Variants in SSBP3 observed in about 807,000 individuals in gnomAD.
SSBP3 encodes the protein single stranded DNA binding protein 3, also known as single-stranded DNA-binding protein 3.
In SSBP3, 5 loss-of-function variants were observed where a neutral mutation model predicts 69.6. That is an observed-to-expected ratio of 0.07 (90% CI 0.04 to 0.15). SSBP3 has a LOEUF of 0.15. Among genes scored for constraint, SSBP3 ranks in the 10% least tolerant of loss-of-function variants. SSBP3 has a pLI of 1.00. For synonymous variants in SSBP3, 196 were observed against 193.4 expected (o/e 1.01, Z -0.11); for missense variants, 312 against 534.0 (o/e 0.58, Z 4.10).
Position 54,251,872 on chromosome 1 carries a change from G to GC in SSBP3, c.508-13dup. The GC allele has an allele frequency of 6.2e-7, 1 of 1,610,488 alleles. No individual in the cohort carries two copies. Among genetic ancestry groups the GC allele is most frequent in the Non-Finnish European group, 8.5e-7 (1 of 1,179,026 alleles). ...ACTCCTCCCGGAGGCTGAAAGAGATGCAAGACACAAGCTGAGGAGCTGCTC... is the reference window on the plus strand; with the variant it reads ...ACTCCTCCCGGAGGCTGAAAGAGATGCCAAGACACAAGCTGAGGAGCTGCTC... On this transcript the variant is annotated splice_polypyrimidine_tract_variant and intron_variant, in intron 7 of 17. Transcript: ENST00000610401.
intron 4 of SSBP3, among the ~76,000 whole-genome samples, chr1:54,341,755 AG>A (rs1482166352): frequency 6.6e-6 from 1 of 151,764 alleles, no homozygotes; most frequent in African/African-American, 2.4e-5. Context: ...GGTACATGAC[AG>A]GAGGCCTGAC....
chr1:54,243,211 C>T (rs373014824), intron 10 of SSBP3, 24 bp downstream of exon 10: 100 of 1,612,206 alleles, frequency 6.2e-5, no homozygotes, highest in African/African-American at 2.3e-4. Flanking sequence ...CTCTGAGCCA[C>T]GGGCCGGGTC....
chr1:54,240,091 CGCGCGCGCGTGT>C (rs1557448819), intron 13 of SSBP3, among the ~76,000 whole-genome samples: 6 of 33,836 alleles, frequency 1.8e-4, no homozygotes, highest in African/African-American at 9.4e-4. Context: ...TGTGTGTGCG[CGCGCGCGCGTGT>C]GCGTGCGCGC....
At position 54,240,104 on chromosome 1, in the gene SSBP3, GCGTGCGCGCGCGCGCGCAA is replaced by G. The variant is rs1474112878; in HGVS notation, c.856+782_856+800del. Among the ~76,000 whole-genome samples the G allele has an allele frequency of 2.8e-3, 13 of 4,574 alleles. 1 individual carries two copies. The highest frequency in any genetic ancestry group is 0.013 in the African/African-American group (13 of 980). 3.0% of individuals were successfully genotyped at this position (4,574 alleles called of 152,430 possible). On this transcript the variant is annotated intron_variant, in intron 13 of 17. Transcript: ENST00000610401. The stretch of plus-strand genomic sequence containing the variant: ...TGTGTGTGTGCGCGCGCGCGCGTGT[GCGTGCGCGCGCGCGCGCAA>G]CACATGCCCACGTATGTGCACGCAT...
intron 4 of SSBP3, among the ~76,000 whole-genome samples, chr1:54,386,683 CTTTTTTTTTT>C (rs58429798): frequency 2.6e-5 from 2 of 76,100 alleles, no homozygotes; most frequent in Admixed American, 3.2e-4. Context: ...ACTGATCCTA[CTTTTTTTTTT>C]TTTTTTTTTT....
intron 4 of SSBP3, among the ~76,000 whole-genome samples, chr1:54,314,543 T>C (rs1275371499): frequency 6.6e-6 from 1 of 152,234 alleles, no homozygotes; most frequent in Non-Finnish European, 1.5e-5. Flanking sequence ...GCCTCAACAT[T>C]TTCTTTAAAA....
chr1:54,392,251 T>C (rs2100771286), intron 4 of SSBP3, among the ~76,000 whole-genome samples: 1 of 152,196 alleles, frequency 6.6e-6, no homozygotes, highest in Admixed American at 6.5e-5. Context: ...CTCTCTAAGG[T>C]ATGGATCATT....
intron 4 of SSBP3, among the ~76,000 whole-genome samples, chr1:54,346,284 C>T (rs1464247123): frequency 2.0e-5 from 3 of 150,866 alleles, no homozygotes; most frequent in Non-Finnish European, 4.4e-5. Flanking sequence ...TAGATCGGGC[C>T]ACTGCACTCC....
intron 4 of SSBP3, among the ~76,000 whole-genome samples, chr1:54,348,242 GGGGGC>G (rs1557552681): frequency 1.4e-4 from 14 of 98,246 alleles, no homozygotes; most frequent in South Asian, 1.1e-3. Flanking sequence ...AGAAGGCATG[GGGGGC>G]GGGGGGGGGG....
At chr1:54,267,057 G>A (rs1264022397) in intron 5 of SSBP3, among the ~76,000 whole-genome samples, 41 of 152,192 alleles carry the variant, frequency 2.7e-4, no homozygotes. Flanking sequence ...CTTTTGGCAG[G>A]TTCAAACCGT....
At chr1:54,278,788 G>T (rs988994911) in intron 5 of SSBP3, among the ~76,000 whole-genome samples, 1 of 152,250 alleles carries the variant, frequency 6.6e-6, no homozygotes, top group African/African-American at 2.4e-5. Flanking sequence ...CCCAGGCCTT[G>T]GCCAAGCAGG....
chr1:54,380,657 C>T (rs1015467365), intron 4 of SSBP3, among the ~76,000 whole-genome samples: 5 of 152,190 alleles, frequency 3.3e-5, no homozygotes, highest in Non-Finnish European at 7.3e-5. Context: ...TCCAGACAAA[C>T]TCGCTGACTC....
At chr1:54,401,932 G>C in exon 4 of SSBP3, 1 of 1,613,928 alleles carries the variant, frequency 6.2e-7, no homozygotes, top group Non-Finnish European at 8.5e-7. Context: ...GCACAGTAAA[G>C]GTCCCAAAAT....
chr1:54,352,090 G>C (rs1646789303), intron 4 of SSBP3, among the ~76,000 whole-genome samples: 1 of 152,086 alleles, frequency 6.6e-6, no homozygotes, highest in South Asian at 2.1e-4. Context: ...GAAGCCAGGA[G>C]TTTAAGACCT....
At chr1:54,250,060 T>TC (rs1328779782) in intron 9 of SSBP3, among the ~76,000 whole-genome samples, 1 of 152,212 alleles carries the variant, frequency 6.6e-6, no homozygotes, top group African/African-American at 2.4e-5. Flanking sequence ...TGTATCTGAC[T>TC]CAGGAGAGGG....
chr1:54,324,821 T>C (rs188532733), intron 4 of SSBP3, among the ~76,000 whole-genome samples: 1 of 152,228 alleles, frequency 6.6e-6, no homozygotes, highest in East Asian at 1.9e-4. Context: ...GCAGGTCCAA[T>C]ATGTCGGTAA....
At chr1:54,407,357 G>T (rs1649851201), upstream of SSBP3, among the ~76,000 whole-genome samples, 7 of 152,142 alleles carry the variant, frequency 4.6e-5, no homozygotes, top group Admixed American at 4.6e-4. Context: ...TCAAATAAAT[G>T]GAGCTAAATT....
At chr1:54,390,279 T>C (rs1051844917) in intron 4 of SSBP3, among the ~76,000 whole-genome samples, 13 of 152,134 alleles carry the variant, frequency 8.5e-5, no homozygotes, top group African/African-American at 3.1e-4. Flanking sequence ...TAGAAATTTA[T>C]CCCTCACCAA....
chr1:54,283,590 C>T (rs559248658), intron 4 of SSBP3, among the ~76,000 whole-genome samples: 1 of 152,264 alleles, frequency 6.6e-6, no homozygotes, highest in South Asian at 2.1e-4. Context: ...GTGAATCTAG[C>T]AACAAAGAAA....
Sources: allele counts gnomAD v4.1 joint callset (sites outside exome capture counted in the v4.1 genomes callset), GRCh38; gene constraint gnomAD v4.1.1; transcripts MANE v1.5; gene names NCBI Gene and HGNC (gene_info 2026-07-23, HGNC 2026-07-21).